The following SUCLA2 variants were observed in gnomAD, a reference collection of about 807,000 sequenced individuals.
The protein encoded by SUCLA2 is succinate-CoA ligase ADP-forming subunit beta, also known as succinate--CoA ligase [ADP-forming] subunit beta, mitochondrial.
SUCLA2 carries 30 observed loss-of-function variants against 54.8 expected under a neutral mutation model. The ratio of observed to expected loss-of-function variants is 0.55; its 90% CI spans 0.41 to 0.74. The LOEUF (loss-of-function observed/expected upper bound fraction) is 0.74, where lower values mean the gene tolerates loss of function less well. SUCLA2 is among the 30% of genes least tolerant of loss of function. SUCLA2 has a pLI of 0.00. For synonymous variants in SUCLA2, 172 were observed against 188.9 expected (o/e 0.91, Z 0.74); for missense variants, 476 against 562.9 (o/e 0.85, Z 1.56).
Position 47,943,373 on chromosome 13 carries a change from A to G in SUCLA2, c.1390T>C (p.Ter464ArgextTer8). Residue 464 changes from the stop codon to arginine (R), a stop_lost, in exon 11 of 11, where the codon TGA becomes CGA. Coordinates refer to ENST00000646932, the MANE Select transcript of SUCLA2 (RefSeq NM_003850.3). ...HVDVKFQLPI* is the reference protein window; with the variant it reads ...HVDVKFQLPIR ...CAGCCATCCACTGGGTTTTCAGATC[A>G]TATTGGCAACTGAAATTTCACATCC... The G allele has an allele frequency of 6.2e-7, 1 of 1,613,692 alleles. No individual in the cohort carries two copies. The highest frequency in any genetic ancestry group is 8.5e-7 in the Non-Finnish European group (1 of 1,179,684).
intron 4 of SUCLA2, among the ~76,000 whole-genome samples, chr13:47,979,405 G>A (rs566827055): frequency 4.6e-5 from 7 of 152,096 alleles, no homozygotes; most frequent in East Asian, 3.9e-4. Flanking sequence ...ACCAAACACC[G>A]CATGTTCTCA....
chr13:47,990,760 G>A (rs1430028530), intron 2 of SUCLA2, among the ~76,000 whole-genome samples: 3 of 152,160 alleles, frequency 2.0e-5, no homozygotes, highest in African/African-American at 4.8e-5. Flanking sequence ...CAAGCAGAAT[G>A]AGAGGAAGCT....
intron 2 of SUCLA2, among the ~76,000 whole-genome samples, chr13:47,994,594 G>A (rs1232090808): frequency 2.1e-5 from 3 of 146,088 alleles, no homozygotes; most frequent in Admixed American, 6.9e-5. Flanking sequence ...AAAAAACCAC[G>A]AAATTGTCCT....
At chr13:47,993,274 C>A (rs1327646721) in intron 2 of SUCLA2, among the ~76,000 whole-genome samples, 1 of 152,136 alleles carries the variant, frequency 6.6e-6, no homozygotes, top group Non-Finnish European at 1.5e-5. Context: ...TTACTAAAAT[C>A]ATATTTCCTT....
Position 47,954,485 on chromosome 13 carries a change from T to C in SUCLA2, c.875A>G (p.Gln292Arg). ...CCTTTCATCTTCCTGGGTCCAGTCCTGTAGATCAAAGATTTTCTTTTGGCG... is the reference window on the plus strand; with the variant it reads ...CCTTTCATCTTCCTGGGTCCAGTCCCGTAGATCAAAGATTTTCTTTTGGCG... ...AYRQKKIFDLQDWTQEDERDK... is the reference protein window; with the variant it reads ...AYRQKKIFDLRDWTQEDERDK... Residue 292 changes from glutamine to arginine, a missense_variant, in exon 7 of 11, where the codon CAG becomes CGG. Gln to Arg is a conservative substitution (Grantham distance 43). Coordinates refer to ENST00000646932, the MANE Select transcript of SUCLA2 (RefSeq NM_003850.3). 2 of 1,613,964 alleles carry C rather than the reference T, an allele frequency of 1.2e-6. No individual in the cohort carries two copies. Among genetic ancestry groups the C allele is most frequent in the Non-Finnish European group, 1.7e-6 (2 of 1,179,880 alleles).
At chr13:47,949,361 C>A (rs1949758945) in intron 9 of SUCLA2, 122 bp downstream of exon 9, 3 of 1,188,158 alleles carry the variant, frequency 2.5e-6, no homozygotes, top group Non-Finnish European at 3.7e-6. Context: ...GTTTTAATTT[C>A]ATATTGTATA....
intron 6 of SUCLA2, among the ~76,000 whole-genome samples, chr13:47,961,193 G>A (rs1949868445): frequency 6.6e-6 from 1 of 151,950 alleles, no homozygotes; most frequent in Non-Finnish European, 1.5e-5. Flanking sequence ...GGAAAATTTT[G>A]GTTTTTGCTT....
Position 47,971,370 on chromosome 13 carries a change from T to C in SUCLA2, c.663+1894A>G, listed in dbSNP as rs569268849. The C allele has an allele frequency of 3.2e-4, 48 of 152,218 alleles. 1 individual carries two copies. In the East Asian group the frequency reaches 8.4e-3, roughly 27 times the overall value. 9.4% of individuals were successfully genotyped at this position (152,218 alleles called of 1,614,324 possible). A position where few individuals can be genotyped will look rare whatever the true frequency, so the allele number is the denominator to read the frequency against. ...AGGCGGAGGTTGCAGTGAGCCAAGATTGCGCCACTGCACACTCCACCCTGG... is the reference window on the plus strand; with the variant it reads ...AGGCGGAGGTTGCAGTGAGCCAAGACTGCGCCACTGCACACTCCACCCTGG... On this transcript the variant is annotated intron_variant, in intron 5 of 10. Transcript: ENST00000646932.
At chr13:47,948,359 G>A (rs1303427533) in intron 10 of SUCLA2, among the ~76,000 whole-genome samples, 2 of 151,680 alleles carry the variant, frequency 1.3e-5, no homozygotes, top group Non-Finnish European at 2.9e-5. Context: ...ACATACATAT[G>A]CGTGCATGTG....
At chr13:47,972,168 T>C (rs544606402) in intron 5 of SUCLA2, 182 of 285,550 alleles carry the variant, frequency 6.4e-4, no homozygotes, top group African/African-American at 3.6e-3. Flanking sequence ...GGCAGGAGAA[T>C]AGCTTGAACT....
At chr13:47,961,789 C>T (rs918703979) in intron 6 of SUCLA2, among the ~76,000 whole-genome samples, 1 of 152,124 alleles carries the variant, frequency 6.6e-6, no homozygotes, top group Non-Finnish European at 1.5e-5. Flanking sequence ...ACCAAATATC[C>T]TTATCAACTG....
chr13:47,954,178 CTT>C lies in SUCLA2; in HGVS notation c.1067_1068del (p.Gln356ArgfsTer6), dbSNP rs1949799402. The C allele has an allele frequency of 6.2e-7, 1 of 1,613,596 alleles. No individual in the cohort carries two copies. On this transcript the variant is annotated frameshift_variant, in exon 8 of 11. Coordinates refer to ENST00000646932, the MANE Select transcript of SUCLA2 (RefSeq NM_003850.3). LOFTEE classifies it high-confidence loss of function. ...GTGATAAGCTTAAATGCTTCTGTTACTTGATGGACTGTAGCACCACCACCAAC... is the reference window on the plus strand; with the variant it reads ...GTGATAAGCTTAAATGCTTCTGTTACGATGGACTGTAGCACCACCACCAAC... ...LDVGGGATVH[Q>X]VTEAFKLITS... is the part of the protein sequence containing the mutation.
chr13:47,943,264 A>G lies in SUCLA2; in HGVS notation c.*107T>C. ...TAAATGTTTGTGTGCCTAGATGGCA[A>G]TTACAATCTCCACACACTAAAAAGA... On this transcript the variant is annotated 3_prime_UTR_variant, in exon 11 of 11. Coordinates refer to ENST00000646932, the MANE Select transcript of SUCLA2 (RefSeq NM_003850.3). 8.7e-7 allele frequency: 1 copy of G among 1,148,408 alleles called. No individual in the cohort carries two copies. Among genetic ancestry groups the G allele is most frequent in the Admixed American group, 1.7e-5 (1 of 59,158 alleles). The allele number at this position is 1,148,408 out of a possible 1,614,324, so 71.1% of individuals were successfully genotyped here.
At chr13:47,973,525 G>T in intron 4 of SUCLA2, 133 bp from the exon 5 acceptor site, 2 of 962,616 alleles carry the variant, frequency 2.1e-6, no homozygotes, top group Non-Finnish European at 1.6e-6. Flanking sequence ...ATTTTCTTGA[G>T]AATTTATCCT....
chr13:47,967,704 C>T (rs891440426), intron 6 of SUCLA2, among the ~76,000 whole-genome samples: 9 of 151,664 alleles, frequency 5.9e-5, no homozygotes, highest in South Asian at 2.1e-4. Context: ...ATTATCCAGG[C>T]GCGGTGGTGC....
chr13:47,995,004 A>G (rs1950179610), intron 2 of SUCLA2: 1 of 292,942 alleles, frequency 3.4e-6, no homozygotes, highest in Non-Finnish European at 5.1e-6. Flanking sequence ...TTTCTGACAA[A>G]ACAATGGAAT....
intron 6 of SUCLA2, among the ~76,000 whole-genome samples, chr13:47,964,493 A>G (rs1949899807): frequency 6.6e-6 from 1 of 152,224 alleles, no homozygotes; most frequent in Non-Finnish European, 1.5e-5. Context: ...AAAACTAAGT[A>G]AAATATTTAG....
intron 6 of SUCLA2, among the ~76,000 whole-genome samples, chr13:47,962,917 G>T (rs955672948): frequency 1.3e-5 from 2 of 152,146 alleles, no homozygotes; most frequent in Admixed American, 6.5e-5. Flanking sequence ...TCGAAGAACT[G>T]CAACTCACCA....
chr13:47,958,546 A>C (rs1949840192), intron 6 of SUCLA2, among the ~76,000 whole-genome samples: 2 of 152,328 alleles, frequency 1.3e-5, no homozygotes, highest in African/African-American at 4.8e-5. Context: ...TGAAAATAGC[A>C]ACGTCCTCAG....
Sources: gnomAD v4.1 joint callset for allele counts (sites outside exome capture counted in the v4.1 genomes callset) on GRCh38, gnomAD v4.1.1 for gene constraint, MANE v1.5 for transcripts, NCBI Gene and HGNC (gene_info 2026-07-23, HGNC 2026-07-21) for gene names.